The following P2RY8 variants were observed in gnomAD, a reference collection of about 807,000 sequenced individuals.
P2RY8 encodes the protein S-geranylgeranyl-glutathione receptor P2RY8.
P2RY8 carries 6 observed loss-of-function variants against 10.0 expected under a neutral mutation model. The observed-to-expected ratio is 0.60, with a 90% CI of 0.33 to 1.19. The LOEUF is 1.19. P2RY8 is among the 50% of genes most tolerant of loss of function. The pLI is 0.04. For missense variants in P2RY8, 456 were observed against 542.0 expected (o/e 0.84, Z 1.58); for synonymous variants, 276 against 252.5 (o/e 1.09, Z -0.88).
intron 1 of P2RY8, among the ~76,000 whole-genome samples, chrX:1,474,914 G>GTGGGTGGA: frequency 7.4e-6 from 1 of 134,758 alleles, no homozygotes; most frequent in South Asian, 2.3e-4. Flanking sequence ...GGATAAGTGG[G>GTGGGTGGA]TGGGTGGATG....
Position 1,465,445 on chromosome X carries a change from G to A in P2RY8, c.*34C>T. On this transcript the variant is annotated 3_prime_UTR_variant, in exon 2 of 2. Coordinates refer to ENST00000381297, the MANE Select transcript of P2RY8 (RefSeq NM_178129.5). ...CCATGCGCCCCTGGATCTCCAAGCT[G>A]CGCCCCCGGCTCTCCAAGCTGCGCC... 1 of 1,563,302 alleles carries A rather than the reference G, an allele frequency of 6.4e-7. No individual in the cohort carries two copies. Among genetic ancestry groups the A allele is most frequent in the Non-Finnish European group, 8.6e-7 (1 of 1,158,268 alleles).
rs866928479 is a variant in P2RY8, at chrX:1,491,214, A to C, written c.-24-24632T>G. Among the ~76,000 whole-genome samples the C allele has an allele frequency of 9.4e-3, 1,226 of 130,254 alleles. 23 individuals are homozygous for C. The highest frequency in any genetic ancestry group is 0.029 in the African/African-American group (1,030 of 35,236). 85.5% of individuals were successfully genotyped at this position (130,254 alleles called of 152,430 possible). On this transcript the variant is annotated intron_variant, in intron 1 of 1. Coordinates refer to ENST00000381297, the MANE Select transcript of P2RY8 (RefSeq NM_178129.5). Reference sequence around the variant, plus strand: ...ATGAATGAATGATACCCAGATATTCACTGCAAATGTGGGGGGAATGAATGA... The same window carrying C: ...ATGAATGAATGATACCCAGATATTCCCTGCAAATGTGGGGGGAATGAATGA...
At chrX:1,493,439 G>A (rs1489734699) in intron 1 of P2RY8, among the ~76,000 whole-genome samples, 4 of 38,756 alleles carry the variant, frequency 1.0e-4, no homozygotes. Context: ...AGGGAGGGAA[G>A]GAGGAGGAAG....
chrX:1,510,961 G>C (rs868415398), intron 1 of P2RY8, among the ~76,000 whole-genome samples: 1 of 151,902 alleles, frequency 6.6e-6, no homozygotes, highest in Non-Finnish European at 1.5e-5. Context: ...GGTGGATCAC[G>C]GGGTCAGGAG....
At chrX:1,526,253 A>G (rs1469556093) in intron 1 of P2RY8, among the ~76,000 whole-genome samples, 39 of 149,816 alleles carry the variant, frequency 2.6e-4, no homozygotes, top group Non-Finnish European at 4.9e-4. Context: ...TCCACTATTC[A>G]TTCACCCATT....
intron 1 of P2RY8, among the ~76,000 whole-genome samples, chrX:1,487,402 C>T (rs1394886422): frequency 4.7e-5 from 7 of 148,258 alleles, no homozygotes; most frequent in East Asian, 2.2e-4. Context: ...TAGGAAGACG[C>T]GCTTATCATC....
At chrX:1,480,105 A>C (rs1280549350) in intron 1 of P2RY8, among the ~76,000 whole-genome samples, 5 of 152,168 alleles carry the variant, frequency 3.3e-5, no homozygotes, top group Non-Finnish European at 7.4e-5. Context: ...AGAAGATAGA[A>C]ACACAGGGAA....
intron 1 of P2RY8, among the ~76,000 whole-genome samples, chrX:1,480,655 A>T (rs1383410597): frequency 6.6e-6 from 1 of 151,948 alleles, no homozygotes. Flanking sequence ...GGAACGTCAC[A>T]CACCAGGGCC....
At chrX:1,497,253 AAAAG>A (rs2092126442) in intron 1 of P2RY8, among the ~76,000 whole-genome samples, 1 of 151,340 alleles carries the variant, frequency 6.6e-6, no homozygotes, top group African/African-American at 2.4e-5. Flanking sequence ...AAAAAGAAAA[AAAAG>A]AAACTCAAAC....
chrX:1,505,421 A>G (rs2092223328), intron 1 of P2RY8, among the ~76,000 whole-genome samples: 1 of 152,064 alleles, frequency 6.6e-6, no homozygotes, highest in Admixed American at 6.6e-5. Flanking sequence ...GACAGGGCTG[A>G]AAAATGGAAC....
chrX:1,467,402 C>A (rs1361543507), intron 1 of P2RY8, among the ~76,000 whole-genome samples: 6 of 152,148 alleles, frequency 3.9e-5, no homozygotes, highest in South Asian at 4.1e-4. Context: ...TCTGACCCGC[C>A]GGTCCGTGCC....
At chrX:1,515,676 G>C (rs1273569604) in intron 1 of P2RY8, among the ~76,000 whole-genome samples, 2 of 151,742 alleles carry the variant, frequency 1.3e-5, no homozygotes, top group Non-Finnish European at 2.9e-5. Flanking sequence ...CAGCCATTTA[G>C]GATATTTTCA....
intron 1 of P2RY8, among the ~76,000 whole-genome samples, chrX:1,503,251 C>T (rs1164529274): frequency 1.3e-5 from 2 of 152,166 alleles, no homozygotes; most frequent in Non-Finnish European, 2.9e-5. Context: ...GAGCACGGAC[C>T]TGAGACATTT....
chrX:1,529,633 G>A (rs1281532263), intron 1 of P2RY8, among the ~76,000 whole-genome samples: 3 of 151,982 alleles, frequency 2.0e-5, no homozygotes, highest in Non-Finnish European at 2.9e-5. Flanking sequence ...CCCTGCCTGA[G>A]CATGAGAGAG....
At chrX:1,498,405 C>CA (rs1175667773) in intron 1 of P2RY8, among the ~76,000 whole-genome samples, 22,085 of 69,908 alleles carry the variant, frequency 0.32, 3,124 homozygotes, top group East Asian at 0.57. Context: ...GACTCTGTCT[C>CA]AAAAAAAAAA....
intron 1 of P2RY8, among the ~76,000 whole-genome samples, chrX:1,488,245 G>T (rs2092005927): frequency 6.6e-6 from 1 of 152,182 alleles, no homozygotes; most frequent in South Asian, 2.1e-4. Flanking sequence ...GAATCTCACT[G>T]CCTGGTTCTG....
At chrX:1,534,169 A>G (rs2092506905) in intron 1 of P2RY8, among the ~76,000 whole-genome samples, 1 of 136,630 alleles carries the variant, frequency 7.3e-6, no homozygotes, top group South Asian at 2.1e-4. Flanking sequence ...CAATATATTT[A>G]CATATATTAT....
intron 1 of P2RY8, among the ~76,000 whole-genome samples, chrX:1,498,536 AGACG>A (rs2092142700): frequency 1.4e-5 from 2 of 143,914 alleles, no homozygotes; most frequent in South Asian, 4.5e-4. Context: ...TTTTTTTTTC[AGACG>A]GAGTTTTCCT....
At chrX:1,485,687 T>C (rs182887934) in intron 1 of P2RY8, among the ~76,000 whole-genome samples, 6,609 of 147,978 alleles carry the variant, frequency 0.045, 495 homozygotes, top group African/African-American at 0.15. Flanking sequence ...TTACAACTTA[T>C]TTTATTATAA....
Sources: allele counts gnomAD v4.1 joint callset (sites outside exome capture counted in the v4.1 genomes callset), GRCh38; gene constraint gnomAD v4.1.1; transcripts MANE v1.5; gene names NCBI Gene and HGNC (gene_info 2026-07-23, HGNC 2026-07-21).